The following ANKRD31 variants were observed in gnomAD, a reference collection of about 807,000 sequenced individuals.
ANKRD31 encodes the protein ankyrin repeat domain 31, also known as ankyrin repeat domain-containing protein 31.
ANKRD31 carries 147 observed loss-of-function variants against 186.0 expected under a neutral mutation model. The observed-to-expected ratio is 0.79, with a 90% CI of 0.69 to 0.91. The LOEUF (loss-of-function observed/expected upper bound fraction) is 0.91. Ranked by LOEUF, ANKRD31 falls within the 40% of genes least tolerant of loss-of-function variation. The pLI, the probability that ANKRD31 is intolerant of heterozygous loss-of-function variation, is 0.00. For synonymous variants in ANKRD31, 673 were observed against 736.4 expected (o/e 0.91, Z 1.39); for missense variants, 1,986 against 2,148.8 (o/e 0.92, Z 1.50).
intron 11 of ANKRD31, among the ~76,000 whole-genome samples, chr5:75,157,281 G>A (rs1268072169): frequency 6.6e-6 from 1 of 152,158 alleles, no homozygotes. Flanking sequence ...GTACCAGAAA[G>A]CCTAGATTTG....
At chr5:75,213,542 T>G (rs1187106878) in intron 3 of ANKRD31, among the ~76,000 whole-genome samples, 1 of 152,238 alleles carries the variant, frequency 6.6e-6, no homozygotes, top group Admixed American at 6.5e-5. Flanking sequence ...GCTGGAGCTG[T>G]TAATTTGTTA....
At chr5:75,104,102 C>A in intron 22 of ANKRD31, 126 bp downstream of exon 22, 1 of 726,074 alleles carries the variant, frequency 1.4e-6, no homozygotes, top group Non-Finnish European at 2.1e-6. Context: ...TTGTGTCCCT[C>A]CATTCAGGAA....
At chr5:75,190,749 G>T (rs1418025054) in intron 9 of ANKRD31, among the ~76,000 whole-genome samples, 3 of 151,794 alleles carry the variant, frequency 2.0e-5, no homozygotes, top group African/African-American at 7.2e-5. Flanking sequence ...CATGTAAAAA[G>T]GGATACTTAT....
At chr5:75,079,465 C>CT (rs5868762) in intron 25 of ANKRD31, among the ~76,000 whole-genome samples, 4,357 of 144,702 alleles carry the variant, frequency 0.03, 187 homozygotes, top group African/African-American at 0.1. Flanking sequence ...AGCCACCACT[C>CT]TTTTTTTTTT....
chr5:75,106,047 GCTTTTGTGTATATGAATAT>G lies in ANKRD31; in HGVS notation c.4341-848_4341-830del, dbSNP rs1178109804. Among the ~76,000 whole-genome samples the G allele has an allele frequency of 2.6e-5, 4 of 152,150 alleles. No homozygotes were observed. The East Asian group carries it at 7.7e-4, about 29-fold the overall frequency. On this transcript the variant is annotated intron_variant, in intron 21 of 25. Coordinates refer to ENST00000506364, the MANE Select transcript of ANKRD31 (RefSeq NM_001372053.1). Reference sequence around the variant, plus strand: ...TCAAAATTACTGAGGAACCCAAACAGCTTTTGTGTATATGAATATCTATCAGTATTTACTGTTTTAGAAA... The same window carrying G: ...TCAAAATTACTGAGGAACCCAAACAGCTATCAGTATTTACTGTTTTAGAAA...
chr5:75,128,378 G>A (rs1409132343), intron 17 of ANKRD31, among the ~76,000 whole-genome samples: 1 of 53,456 alleles, frequency 1.9e-5, no homozygotes, highest in East Asian at 5.2e-4. Context: ...TGCACGTTCT[G>A]CATATGTATC....
chr5:75,124,948 T>C (rs1044314361), intron 17 of ANKRD31, among the ~76,000 whole-genome samples: 10 of 152,160 alleles, frequency 6.6e-5, no homozygotes, highest in Non-Finnish European at 1.5e-4. Context: ...AAAACTGCAT[T>C]TGTACCCTTT....
chr5:75,080,933 T>A (rs941920611), intron 24 of ANKRD31, among the ~76,000 whole-genome samples: 8 of 148,114 alleles, frequency 5.4e-5, no homozygotes, highest in Non-Finnish European at 1.2e-4. Context: ...TTTTTTTTTT[T>A]AGACTTTCTG....
chr5:75,230,463 T>C, intron 2 of ANKRD31, 99 bp downstream of exon 2: 1 of 870,178 alleles, frequency 1.1e-6, no homozygotes, highest in Non-Finnish European at 1.7e-6. Flanking sequence ...TATAATTCAT[T>C]TTGCTTAAAG....
At chr5:75,100,493 T>C (rs1475220902) in intron 22 of ANKRD31, among the ~76,000 whole-genome samples, 3 of 152,210 alleles carry the variant, frequency 2.0e-5, no homozygotes, top group Non-Finnish European at 4.4e-5. Flanking sequence ...ACTTTCTGTC[T>C]CGTTGATCTG....
At chr5:75,226,984 G>C (rs549298148) in intron 2 of ANKRD31, among the ~76,000 whole-genome samples, 1 of 151,864 alleles carries the variant, frequency 6.6e-6, no homozygotes, top group East Asian at 1.9e-4. Flanking sequence ...GCACTCCCAC[G>C]GTTTTTTTTT....
chr5:75,128,635 C>A (rs1039591445), intron 17 of ANKRD31, among the ~76,000 whole-genome samples: 1 of 151,228 alleles, frequency 6.6e-6, no homozygotes, highest in African/African-American at 2.4e-5. Flanking sequence ...TCCCAAGTAG[C>A]TGAGACTACA....
chr5:75,074,581 C>G (rs760760110), intron 25 of ANKRD31, among the ~76,000 whole-genome samples: 1 of 152,186 alleles, frequency 6.6e-6, no homozygotes, highest in Admixed American at 6.5e-5. Context: ...GGATAATCCC[C>G]AACTGAGCCA....
At chr5:75,213,584 AT>A (rs1756784173) in intron 3 of ANKRD31, among the ~76,000 whole-genome samples, 1 of 152,104 alleles carries the variant, frequency 6.6e-6, no homozygotes. Flanking sequence ...ATGTCAATCA[AT>A]TTTTTCATAA....
At chr5:75,107,691 C>T (rs1747442610) in intron 20 of ANKRD31, 74 bp from the exon 21 acceptor site, 5 of 840,934 alleles carry the variant, frequency 5.9e-6, no homozygotes, top group Admixed American at 2.8e-5. Flanking sequence ...GAGAATTAGC[C>T]CTATTGTTAA....
intron 17 of ANKRD31, among the ~76,000 whole-genome samples, chr5:75,136,528 G>C (rs917807819): frequency 6.6e-6 from 1 of 152,214 alleles, no homozygotes; most frequent in Non-Finnish European, 1.5e-5. Context: ...GTGCTGGAGA[G>C]GGTGTGGAGA....
chr5:75,079,640 A>G (rs1199217121), intron 25 of ANKRD31, among the ~76,000 whole-genome samples: 2 of 151,984 alleles, frequency 1.3e-5, no homozygotes, highest in African/African-American at 4.8e-5. Context: ...ATGCCTGGCT[A>G]ATTTTTTGTA....
At chr5:75,143,644 C>T (rs1267532407) in intron 15 of ANKRD31, among the ~76,000 whole-genome samples, 2 of 152,216 alleles carry the variant, frequency 1.3e-5, no homozygotes, top group African/African-American at 4.8e-5. Context: ...AAACTAATGG[C>T]TATGTTTCTT....
chr5:75,154,387 T>G lies in ANKRD31; in HGVS notation c.1708-42A>C, dbSNP rs901489756. ...TATGTAAGGGAACCCAGATTGAGGGTGTATTACTGTGAATGTGTGCTAGCA... is the reference window on the plus strand; with the variant it reads ...TATGTAAGGGAACCCAGATTGAGGGGGTATTACTGTGAATGTGTGCTAGCA... On this transcript the variant is annotated intron_variant, in intron 11 of 25. Coordinates refer to ENST00000506364, the MANE Select transcript of ANKRD31 (RefSeq NM_001372053.1). 1.0e-5 allele frequency: 15 copies of G among 1,477,866 alleles called. No individual in the cohort carries two copies. The Admixed American group carries it at 3.3e-4, about 32-fold the overall frequency. 91.5% of individuals were successfully genotyped at this position (1,477,866 alleles called of 1,614,324 possible).
Sources: gnomAD v4.1 joint callset for allele counts (sites outside exome capture counted in the v4.1 genomes callset) on GRCh38, gnomAD v4.1.1 for gene constraint, MANE v1.5 for transcripts, NCBI Gene and HGNC (gene_info 2026-07-23, HGNC 2026-07-21) for gene names.